CNTN5: variants seen among roughly 807,000 people sequenced by gnomAD.
CNTN5 encodes contactin 5.
A neutral mutation model predicts 129.1 loss-of-function variants in CNTN5; 77 were observed. That is an observed-to-expected ratio of 0.60 (90% CI 0.50 to 0.72). CNTN5 has a LOEUF of 0.72. CNTN5 is among the 30% of genes least tolerant of loss of function. The pLI is 0.00. For synonymous variants in CNTN5, 509 were observed against 465.6 expected, an observed-to-expected ratio of 1.09 and a Z score of -1.20; for missense variants, 1,478 against 1,328.8, an observed-to-expected ratio of 1.11 and a Z score of -1.75.
chr11:99,878,431 GAAC>G (rs2135844908), intron 6 of CNTN5, among the ~76,000 whole-genome samples: 1 of 152,216 alleles, frequency 6.6e-6, no homozygotes, highest in South Asian at 2.1e-4. Flanking sequence ...TTCAAATTCT[GAAC>G]AACAGTGCAA....
chr11:99,067,761 T>C (rs115944241), intron 1 of CNTN5, among the ~76,000 whole-genome samples: 3,095 of 152,236 alleles, frequency 0.02, 78 homozygotes, highest in African/African-American at 0.056. Context: ...GAAGTCTAGC[T>C]CTAATATTCT....
chr11:99,128,189 G>A (rs1388826615), intron 1 of CNTN5, among the ~76,000 whole-genome samples: 1 of 152,130 alleles, frequency 6.6e-6, no homozygotes, highest in Non-Finnish European at 1.5e-5. Context: ...AGACCCACTG[G>A]GTTGAAATCC....
chr11:99,273,839 G>T (rs913342287), intron 1 of CNTN5, among the ~76,000 whole-genome samples: 11 of 150,732 alleles, frequency 7.3e-5, no homozygotes, highest in African/African-American at 2.4e-4. Context: ...AAGCCTACAA[G>T]ATATAAAAAT....
intron 1 of CNTN5, among the ~76,000 whole-genome samples, chr11:99,224,694 G>A: frequency 9.7e-6 from 1 of 102,648 alleles, no homozygotes; most frequent in East Asian, 2.8e-4. Context: ...GTCTTGCTCT[G>A]TCACCCAAGC....
rs117950010 is a variant in CNTN5 at position 100,165,996 on chromosome 11, T to C, written c.1581-25130T>C. On this transcript the variant is annotated intron_variant, in intron 13 of 24. Transcript: ENST00000524871. ...AAGTGTGTATCACTATGATACTCTG[T>C]CTCATAAAAGAGTAGTTTTCTCTGT... Among the ~76,000 whole-genome samples the C allele has an allele frequency of 1.5e-3, 223 of 151,848 alleles. 2 individuals are homozygous for C. Among genetic ancestry groups the C allele is most frequent in the Non-Finnish European group, 1.9e-3 (131 of 67,810 alleles).
intron 3 of CNTN5, among the ~76,000 whole-genome samples, chr11:99,615,759 T>A (rs1565351080): frequency 6.7e-6 from 1 of 150,156 alleles, no homozygotes; most frequent in Non-Finnish European, 1.5e-5. Context: ...CACATCTTGT[T>A]TTTTTTTTTT....
intron 16 of CNTN5, among the ~76,000 whole-genome samples, chr11:100,248,387 A>T (rs1202228073): frequency 1.3e-5 from 2 of 151,956 alleles, no homozygotes; most frequent in African/African-American, 4.8e-5. Flanking sequence ...TCTATAAAAA[A>T]ATTAAAAAAT....
intron 9 of CNTN5, among the ~76,000 whole-genome samples, chr11:100,037,645 C>A (rs193289427): frequency 3.3e-5 from 5 of 152,054 alleles, no homozygotes; most frequent in East Asian, 1.9e-4. Flanking sequence ...ACAATTTCAG[C>A]TCCTGTTGTT....
At chr11:100,169,213 TTTGAAGAGGG>T (rs1947749628) in intron 13 of CNTN5, among the ~76,000 whole-genome samples, 1 of 151,900 alleles carries the variant, frequency 6.6e-6, no homozygotes, top group African/African-American at 2.4e-5. Context: ...TGTGGCAGGG[TTTGAAGAGGG>T]TTGACTCCTA....
chr11:99,418,282 T>TA (rs1163973942), intron 2 of CNTN5, among the ~76,000 whole-genome samples: 18 of 151,896 alleles, frequency 1.2e-4, no homozygotes, highest in South Asian at 4.1e-4. Context: ...ACAACAACTT[T>TA]AAAAAAAAGG....
chr11:100,103,518 A>G (rs11222783), intron 13 of CNTN5, among the ~76,000 whole-genome samples: 1,748 of 152,208 alleles, frequency 0.011, 38 homozygotes, highest in African/African-American at 0.04. Flanking sequence ...CCCTAACCTT[A>G]CTGTGATGAG....
At chr11:99,975,569 T>A in intron 8 of CNTN5, among the ~76,000 whole-genome samples, 1 of 152,116 alleles carries the variant, frequency 6.6e-6, no homozygotes, top group East Asian at 1.9e-4. Flanking sequence ...TGGCTGGGGA[T>A]GCCTCAAAAA....
At chr11:99,764,006 T>TG (rs1464130602) in intron 3 of CNTN5, among the ~76,000 whole-genome samples, 1 of 151,936 alleles carries the variant, frequency 6.6e-6, no homozygotes, top group Non-Finnish European at 1.5e-5. Flanking sequence ...ATTTATATTA[T>TG]TTTTTTTCCA....
At chr11:99,895,273 A>T (rs1022649376) in intron 6 of CNTN5, among the ~76,000 whole-genome samples, 1 of 152,216 alleles carries the variant, frequency 6.6e-6, no homozygotes, top group Non-Finnish European at 1.5e-5. Context: ...GGGCTAGTCA[A>T]TATTGACATT....
intron 2 of CNTN5, among the ~76,000 whole-genome samples, chr11:99,501,931 G>A (rs572942212): frequency 9.9e-5 from 15 of 152,162 alleles, no homozygotes; most frequent in Non-Finnish European, 1.6e-4. Flanking sequence ...TTTTATTAGC[G>A]TAAATGATTG....
intron 3 of CNTN5, among the ~76,000 whole-genome samples, chr11:99,691,045 A>T (rs1025714074): frequency 6.6e-6 from 1 of 152,056 alleles, no homozygotes; most frequent in Middle Eastern, 3.4e-3. Context: ...TTACTTACAT[A>T]AAAGTGTTTA....
At chr11:99,680,900 C>G (rs531338792) in intron 3 of CNTN5, among the ~76,000 whole-genome samples, 30 of 151,760 alleles carry the variant, frequency 2.0e-4, no homozygotes, top group Non-Finnish European at 3.7e-4. Flanking sequence ...TAAGGATTCA[C>G]CACTCTAGAT....
intron 16 of CNTN5, among the ~76,000 whole-genome samples, chr11:100,249,312 T>C (rs1211325300): frequency 1.3e-5 from 2 of 152,200 alleles, no homozygotes; most frequent in African/African-American, 4.8e-5. Context: ...AAAGAGTTGA[T>C]CTGGTATCAG....
intron 9 of CNTN5, among the ~76,000 whole-genome samples, chr11:100,027,936 A>C (rs763574917): frequency 6.6e-6 from 1 of 152,102 alleles, no homozygotes; most frequent in Non-Finnish European, 1.5e-5. Flanking sequence ...ATTTTTATTT[A>C]CTCAGTAAAA....
Sources: gnomAD v4.1 joint callset for allele counts (sites outside exome capture counted in the v4.1 genomes callset) on GRCh38, gnomAD v4.1.1 for gene constraint, MANE v1.5 for transcripts, NCBI Gene and HGNC (gene_info 2026-07-23, HGNC 2026-07-21) for gene names.